Variants in SLC6A5 observed in about 807,000 individuals in gnomAD.
SLC6A5 encodes the protein sodium- and chloride-dependent glycine transporter 2.
A neutral mutation model predicts 90.5 loss-of-function variants in SLC6A5; 58 were observed. The observed-to-expected ratio is 0.64, with a 90% CI of 0.52 to 0.80. The LOEUF (loss-of-function observed/expected upper bound fraction) is 0.80, where lower values mean the gene tolerates loss of function less well. Ranked by LOEUF, SLC6A5 falls within the 30% of genes least tolerant of loss-of-function variation. The probability of loss-of-function intolerance (pLI) is 0.00; values close to 1 mark genes in which losing one functional copy is unlikely to be tolerated. For missense variants in SLC6A5, 1,015 were observed against 1,017.6 expected (o/e 1.00, Z 0.03); for synonymous variants, 427 against 401.4 (o/e 1.06, Z -0.76).
intron 7 of SLC6A5, among the ~76,000 whole-genome samples, chr11:20,618,952 AC>A (rs1852837469): frequency 7.6e-5 from 1 of 13,184 alleles, no homozygotes; most frequent in African/African-American, 3.1e-4. Flanking sequence ...CCCGACACAC[AC>A]ACACACACAC....
At chr11:20,634,704 CG>C (rs1020376865) in intron 10 of SLC6A5, among the ~76,000 whole-genome samples, 3 of 152,266 alleles carry the variant, frequency 2.0e-5, no homozygotes, top group East Asian at 1.9e-4. Context: ...ATGCGTAAAG[CG>C]GGGGTATTTC....
At chr11:20,608,908 CTG>C (rs57686676) in intron 5 of SLC6A5, among the ~76,000 whole-genome samples, 931 of 75,898 alleles carry the variant, frequency 0.012, 10 homozygotes, top group African/African-American at 0.045. Context: ...GTCTCTCTCT[CTG>C]TCTGTCTGTC....
At chr11:20,606,923 G>T in intron 3 of SLC6A5, 84 bp from the exon 4 acceptor site, 5 of 1,572,056 alleles carry the variant, frequency 3.2e-6, no homozygotes, top group Non-Finnish European at 4.4e-6. Flanking sequence ...TTGAGAGGGA[G>T]CTCAGCCCCT....
intron 15 of SLC6A5, among the ~76,000 whole-genome samples, chr11:20,653,348 T>C (rs1853577112): frequency 1.3e-5 from 2 of 152,124 alleles, no homozygotes; most frequent in Non-Finnish European, 1.5e-5. Flanking sequence ...CTTGGGGAAA[T>C]GGGACCCTGG....
chr11:20,620,958 C>T (rs1296361152), intron 7 of SLC6A5, among the ~76,000 whole-genome samples: 3 of 152,092 alleles, frequency 2.0e-5, no homozygotes, highest in African/African-American at 7.2e-5. Context: ...CACCACCACG[C>T]CCAGCTAATT....
At chr11:20,644,697 C>T (rs773125127) in intron 13 of SLC6A5, among the ~76,000 whole-genome samples, 11 of 152,206 alleles carry the variant, frequency 7.2e-5, no homozygotes, top group Admixed American at 2.6e-4. Context: ...ACTAGGGTTA[C>T]TTTTTGCCAC....
rs980970781 is a variant in SLC6A5, at chr11:20,655,431, G to C, written c.*563G>C. On this transcript the variant is annotated 3_prime_UTR_variant, in exon 16 of 16. Transcript: ENST00000525748. ...TGAGGTGGTTAAGTTTATATTTCCAGTCACCACTGGGGATCTGTTTCCTTC... is the reference window on the plus strand; with the variant it reads ...TGAGGTGGTTAAGTTTATATTTCCACTCACCACTGGGGATCTGTTTCCTTC... The C allele has an allele frequency of 1.2e-5, 2 of 163,736 alleles. No homozygotes were observed. The highest frequency in any genetic ancestry group is 2.7e-5 in the Non-Finnish European group (2 of 73,932). The allele number at this position is 163,736 out of a possible 1,614,324, so 10.1% of individuals were successfully genotyped here.
rs1853610418 is a variant in SLC6A5 at position 20,654,776 on chromosome 11, G to A, written c.2302G>A (p.Glu768Lys). The A allele has an allele frequency of 6.2e-7, 1 of 1,614,136 alleles. No individual in the cohort carries two copies. The highest frequency in any genetic ancestry group is 8.5e-7 in the Non-Finnish European group (1 of 1,180,028). Residue 768 changes from glutamate (E) to lysine (K), a missense_variant, in exon 16 of 16, where the codon GAG (glutamate) becomes AAG (lysine). By Grantham distance (56) the Glu-to-Lys change is moderately conservative. Coordinates refer to ENST00000525748, the MANE Select transcript of SLC6A5 (RefSeq NM_004211.5). Reference protein sequence around the residue: ...WGPFLAQHRGERYKNMIDPLG... With the variant: ...WGPFLAQHRGKRYKNMIDPLG... ...CCCATTCTTAGCTCAACACCGCGGG[G>A]AGCGTTACAAGAACATGATCGACCC...
intron 8 of SLC6A5, 24 bp from the exon 9 acceptor site, chr11:20,627,956 A>G (rs1253703565): frequency 1.9e-6 from 3 of 1,586,878 alleles, no homozygotes; most frequent in African/African-American, 1.3e-5. Context: ...TGGGTCTTGA[A>G]TCTCTTTCCC....
In SLC6A5 at chr11:20,638,557, T is replaced by G; in HGVS notation, c.1968T>G (p.Tyr656Ter). ...AGCTCGTGGGGATCTCTTATGTGTA[T>G]GGTAAGGAAATCACTGTGCCTGTTG... ...IFELVGISYV[Y>*]GLQRFCEDIE... Residue 656 changes from tyrosine to a stop codon, truncating the protein, a stop_gained and splice_region_variant, in exon 13 of 16, where the codon TAT (tyrosine) becomes TAG (stop). Transcript: ENST00000525748. LOFTEE classifies it high-confidence loss of function. 1 of 1,582,064 alleles carries G rather than the reference T, an allele frequency of 6.3e-7. No homozygotes were observed. Among genetic ancestry groups the G allele is most frequent in the Non-Finnish European group, 8.7e-7 (1 of 1,150,956 alleles).
rs1485926327 is a variant in SLC6A5, at chr11:20,655,044, G to C, written c.*176G>C. The C allele has an allele frequency of 2.8e-6, 2 of 721,280 alleles. No homozygotes were observed. The highest frequency in any genetic ancestry group is 2.7e-5 in the East Asian group (1 of 36,366). 44.7% of individuals were successfully genotyped at this position (721,280 alleles called of 1,614,324 possible). A position where few individuals can be genotyped will look rare whatever the true frequency, so the allele number is the denominator to read the frequency against. The stretch of plus-strand genomic sequence containing the variant: ...GCATAGTGTCGCATGCTGCAGTAAA[G>C]AGCTACATAGACCACCTGAAGCGCT... On this transcript the variant is annotated 3_prime_UTR_variant, in exon 16 of 16. Transcript: ENST00000525748.
Position 20,601,348 on chromosome 11 carries a change from C to G in SLC6A5, c.223C>G (p.Pro75Ala), listed in dbSNP as rs1381056778. 3 of 1,599,374 alleles carry G rather than the reference C, an allele frequency of 1.9e-6. No individual in the cohort carries two copies. Among genetic ancestry groups the G allele is most frequent in the Non-Finnish European group, 8.5e-7 (1 of 1,175,574 alleles). The stretch of plus-strand genomic sequence containing the variant: ...CGCGCGAGCCTGCGAGGCTGAGCGG[C>G]CAGGAGTGGGGTCTTGCAAACTCAG... ...ADARACEAER[P>A]GVGSCKLSSP... Residue 75 changes from proline (P) to alanine (A), a missense_variant, in exon 2 of 16, where the codon CCA (proline) becomes GCA (alanine). Pro to Ala is a conservative substitution (Grantham distance 27). Around this residue, in one of 3 missense-constraint regions of SLC6A5, gnomAD observed 567 missense variants for 507.3 expected, o/e 1.12. Coordinates refer to ENST00000525748, the MANE Select transcript of SLC6A5 (RefSeq NM_004211.5).
In SLC6A5 at chr11:20,606,989, C is replaced by G; in HGVS notation, c.680-18C>G. 6.2e-7 allele frequency: 1 copy of G among 1,613,978 alleles called. No homozygotes were observed. On this transcript the variant is annotated intron_variant, in intron 3 of 15. Transcript: ENST00000525748. ...GCTTTTGCCTCCTAGGGCTCTCACT[C>G]CCCACTCTCTTTCCAAGGTGCTTTC...
intron 5 of SLC6A5, among the ~76,000 whole-genome samples, chr11:20,610,453 C>A (rs913390902): frequency 6.6e-6 from 1 of 152,212 alleles, no homozygotes; most frequent in South Asian, 2.1e-4. Flanking sequence ...TCTAGTGAGG[C>A]TGCCTGCGTG....
chr11:20,604,413 A>G lies in SLC6A5; in HGVS notation c.668A>G (p.Gln223Arg), dbSNP rs752971854. ...NVWRFPYLAF[Q>R]NGGGAFLIPY... Reference sequence around the variant, plus strand: ...TGGAGGTTTCCCTACCTGGCCTTCCAGAACGGGGGAGGTATGGCTTTTCCG... The same window carrying G: ...TGGAGGTTTCCCTACCTGGCCTTCCGGAACGGGGGAGGTATGGCTTTTCCG... Residue 223 changes from glutamine (Q) to arginine (R), a missense_variant, in exon 3 of 16, where the codon CAG (glutamine) becomes CGG (arginine). Coordinates refer to ENST00000525748, the MANE Select transcript of SLC6A5 (RefSeq NM_004211.5). The G allele has an allele frequency of 1.3e-5, 21 of 1,613,670 alleles. No individual in the cohort carries two copies. In the East Asian group the frequency reaches 4.2e-4, roughly 33 times the overall value.
At chr11:20,654,329 A>T (rs957508734) in intron 15 of SLC6A5, among the ~76,000 whole-genome samples, 4 of 152,174 alleles carry the variant, frequency 2.6e-5, no homozygotes, top group African/African-American at 9.7e-5. Flanking sequence ...AATCAAGCAC[A>T]TGTGTTTTGC....
In SLC6A5 at chr11:20,607,643, C is replaced by G; in HGVS notation, c.976C>G (p.Leu326Val). 6.2e-7 allele frequency: 1 copy of G among 1,613,666 alleles called. No homozygotes were observed. Among genetic ancestry groups the G allele is most frequent in the Non-Finnish European group, 8.5e-7 (1 of 1,179,696 alleles). The change falls in exon 5 of 16, where the codon CTT (leucine) becomes GTT (valine). Residue 326 changes from leucine (L) to valine (V), a missense_variant. Around this residue, in one of 3 missense-constraint regions of SLC6A5, gnomAD observed 567 missense variants for 507.3 expected, o/e 1.12. Coordinates refer to ENST00000525748, the MANE Select transcript of SLC6A5 (RefSeq NM_004211.5). ...GCCAGAATGCAAAGATAAAACCAAA[C>G]TTTTATTAGGTAAGTTTGGAAATAC... The part of the protein sequence containing the change: ...NTPECKDKTK[L>V]LLDSCVISDH...
At chr11:20,636,705 A>G (rs901728113) in intron 11 of SLC6A5, among the ~76,000 whole-genome samples, 1 of 152,144 alleles carries the variant, frequency 6.6e-6, no homozygotes, top group Non-Finnish European at 1.5e-5. Flanking sequence ...ATTTTGCCAA[A>G]GCAAATTCTT....
At chr11:20,617,630 G>GT in intron 6 of SLC6A5, 122 bp from the exon 7 acceptor site, 1 of 824,934 alleles carries the variant, frequency 1.2e-6, no homozygotes, top group Non-Finnish European at 2.1e-6. Flanking sequence ...GGTGGGGTGG[G>GT]TGGAGGATGC....
Sources: gnomAD v4.1 joint callset for allele counts (sites outside exome capture counted in the v4.1 genomes callset) on GRCh38, gnomAD v4.1.1 for gene constraint, gnomAD v4.1.1 regional missense constraint, MANE v1.5 for transcripts, NCBI Gene and HGNC (gene_info 2026-07-23, HGNC 2026-07-21) for gene names.